Variants in VWA3A observed in about 807,000 individuals in gnomAD.
The protein encoded by VWA3A is von Willebrand factor A domain-containing protein 3A.
In VWA3A, 134 loss-of-function variants were observed where a neutral mutation model predicts 160.4. The ratio of observed to expected loss-of-function variants is 0.84; its 90% confidence interval spans 0.73 to 0.96. The LOEUF is 0.96. Among genes scored for constraint, VWA3A ranks in the 40% least tolerant of loss-of-function variants. The probability of loss-of-function intolerance (pLI) is 0.00; values close to 1 mark genes in which losing one functional copy is unlikely to be tolerated. For missense variants in VWA3A, 1,310 were observed against 1,447.9 expected (o/e 0.90, Z 1.55); for synonymous variants, 476 against 543.4 (o/e 0.88, Z 1.72).
At chr16:22,150,370 C>T (rs980387128) in intron 29 of VWA3A, among the ~76,000 whole-genome samples, 1 of 152,082 alleles carries the variant, frequency 6.6e-6, no homozygotes, top group African/African-American at 2.4e-5. Context: ...CATTGCACTC[C>T]AGCCTGGGCA....
At chr16:22,116,539 A>C (rs1164297550) in intron 9 of VWA3A, among the ~76,000 whole-genome samples, 1 of 152,194 alleles carries the variant, frequency 6.6e-6, no homozygotes, top group East Asian at 1.9e-4. Flanking sequence ...CACACACACG[A>C]GGGAAGGACT....
rs776209265 is a variant in VWA3A, at chr16:22,132,957, G to GT, written c.1931dup (p.Cys645ValfsTer23). On this transcript the variant is annotated frameshift_variant, in exon 20 of 34. Coordinates refer to ENST00000389398, the MANE Select transcript of VWA3A (RefSeq NM_173615.5). LOFTEE classifies it high-confidence loss of function. Reference sequence around the variant, plus strand: ...TGGCGGCTGCGACCTCCAGCTGAACGTGTGTCTCTTCTACGTGGGCGAGCC... The same window carrying GT: ...TGGCGGCTGCGACCTCCAGCTGAACGTTGTGTCTCTTCTACGTGGGCGAGCC... 3.7e-6 allele frequency: 6 copies of GT among 1,613,768 alleles called. No individual in the cohort carries two copies. The highest frequency in any genetic ancestry group is 1.6e-4 in the Middle Eastern group (1 of 6,084).
At chr16:22,134,777 C>T (rs1385923478) in intron 21 of VWA3A, among the ~76,000 whole-genome samples, 1 of 152,172 alleles carries the variant, frequency 6.6e-6, no homozygotes, top group Non-Finnish European at 1.5e-5. Flanking sequence ...GAACTCAACT[C>T]TAAATAATAG....
intron 17 of VWA3A, among the ~76,000 whole-genome samples, chr16:22,127,658 G>A (rs987575808): frequency 1.3e-5 from 2 of 152,032 alleles, no homozygotes; most frequent in South Asian, 2.1e-4. Flanking sequence ...TATAGATAAG[G>A]AATTTTATTT....
Position 22,115,379 on chromosome 16 carries a change from T to TGCAGCCTGATGGAGGCA in VWA3A, c.726_742dup (p.Asn248SerfsTer12). ...GAACTTAAGCTCTGGGTAAAGACGC[T>TGCAGCCTGATGGAGGCA]GCAGCCTGATGGAGGCAGCAACCTG... On this transcript the variant is annotated frameshift_variant, in exon 9 of 34. Coordinates refer to ENST00000389398, the MANE Select transcript of VWA3A (RefSeq NM_173615.5). LOFTEE classifies it high-confidence loss of function. 2 of 1,601,186 alleles carry TGCAGCCTGATGGAGGCA rather than the reference T, an allele frequency of 1.2e-6. No homozygotes were observed. The highest frequency in any genetic ancestry group is 1.7e-6 in the Non-Finnish European group (2 of 1,173,654).
intron 24 of VWA3A, among the ~76,000 whole-genome samples, chr16:22,142,273 G>A (rs560499223): frequency 3.9e-5 from 6 of 151,984 alleles, no homozygotes; most frequent in Non-Finnish European, 8.8e-5. Flanking sequence ...CCAAGGCTAG[G>A]TGATTTATGA....
intron 26 of VWA3A, among the ~76,000 whole-genome samples, chr16:22,145,640 C>CAA (rs201708423): frequency 5.7e-5 from 5 of 87,190 alleles, no homozygotes; most frequent in East Asian, 3.4e-4. Flanking sequence ...GACTCTGTCT[C>CAA]AAAAAAAAAA....
chr16:22,097,513 G>A, intron 2 of VWA3A, 59 bp from the exon 3 acceptor site: 1 of 1,540,454 alleles, frequency 6.5e-7, no homozygotes. Flanking sequence ...GGAGGCACTG[G>A]GGGTATCAAA....
At chr16:22,112,534 C>T (rs2045568009) in intron 8 of VWA3A, among the ~76,000 whole-genome samples, 1 of 152,082 alleles carries the variant, frequency 6.6e-6, no homozygotes, top group South Asian at 2.1e-4. Flanking sequence ...GCCTGGGCAA[C>T]CCAGTGAGAC....
chr16:22,118,363 AG>A (rs1387110470), intron 11 of VWA3A, among the ~76,000 whole-genome samples: 1 of 152,120 alleles, frequency 6.6e-6, no homozygotes, highest in Non-Finnish European at 1.5e-5. Context: ...ACACTTTTAC[AG>A]TTAGAAAACT....
At position 22,092,586 on chromosome 16, in the gene VWA3A, G is replaced by A; in HGVS notation, c.-52G>A. Reference sequence around the variant, plus strand: ...GAGAAACCAGAAGTGAGATCCAGGAGAAGTAAGGCCCTGGAGTGCCAGGAG... The same window carrying A: ...GAGAAACCAGAAGTGAGATCCAGGAAAAGTAAGGCCCTGGAGTGCCAGGAG... On this transcript the variant is annotated 5_prime_UTR_variant, in exon 1 of 34. Transcript: ENST00000389398. 6.5e-7 allele frequency: 1 copy of A among 1,547,516 alleles called. No individual in the cohort carries two copies. Among genetic ancestry groups the A allele is most frequent in the African/African-American group, 1.4e-5 (1 of 73,102 alleles).
In VWA3A at chr16:22,148,203, T is replaced by G. The variant is rs1363700071; in HGVS notation, c.2881T>G (p.Cys961Gly). Residue 961 changes from cysteine to glycine, a missense_variant, in exon 28 of 34, where the codon TGC (cysteine) becomes GGC (glycine). By Grantham distance (159) the Cys-to-Gly change is radical. Transcript: ENST00000389398. ...TGGCACCGTTTTGGAGAGCAAAGTA[T>G]GCATATTGCTGGACACGTCAGGGTC... ...LFGTVLESKV[C>G]ILLDTSGSMG... is the part of the protein sequence containing the mutation. The G allele has an allele frequency of 1.2e-6, 2 of 1,603,252 alleles. No individual in the cohort carries two copies. Among genetic ancestry groups the G allele is most frequent in the Non-Finnish European group, 1.7e-6 (2 of 1,175,166 alleles).
chr16:22,141,556 C>T, intron 23 of VWA3A, 26 bp from the exon 24 acceptor site: 2 of 1,588,354 alleles, frequency 1.3e-6, no homozygotes, highest in Non-Finnish European at 1.7e-6. Flanking sequence ...GCAGCTGCTC[C>T]AGCCAACAAG....
chr16:22,155,642 C>T lies in VWA3A; in HGVS notation c.3481C>T (p.Leu1161Phe). 6.2e-7 allele frequency: 1 copy of T among 1,613,974 alleles called. No individual in the cohort carries two copies. Among genetic ancestry groups the T allele is most frequent in the East Asian group, 2.2e-5 (1 of 44,880 alleles). ...AQEITKARSF[L>F]WQAQSFRSQL... The stretch of plus-strand genomic sequence containing the variant: ...GGAGATCACCAAGGCCAGAAGCTTC[C>T]TCTGGCAGGCCCAATCCTTCAGGTA... Residue 1161 changes from leucine (L) to phenylalanine (F), a missense_variant, in exon 32 of 34, where the codon CTC becomes TTC. By Grantham distance (22) the Leu-to-Phe change is conservative (BLOSUM62 0). Transcript: ENST00000389398.
At chr16:22,154,431 T>G (rs529483786) in intron 31 of VWA3A, among the ~76,000 whole-genome samples, 1 of 145,520 alleles carries the variant, frequency 6.9e-6, no homozygotes, top group South Asian at 2.2e-4. Flanking sequence ...TGGGTTCAAG[T>G]GATTCTCATG....
At position 22,138,345 on chromosome 16, in the gene VWA3A, C is replaced by T. The variant is rs201933295; in HGVS notation, c.2140-15C>T. ...GTGGCTGGGGGTGCCACTGACCCTCCCAATCCCACTGCAGTGTGCCTTCCT... is the reference window on the plus strand; with the variant it reads ...GTGGCTGGGGGTGCCACTGACCCTCTCAATCCCACTGCAGTGTGCCTTCCT... On this transcript the variant is annotated splice_polypyrimidine_tract_variant and intron_variant, in intron 21 of 33. Transcript: ENST00000389398. 1 of 1,572,652 alleles carries T rather than the reference C, an allele frequency of 6.4e-7. No individual in the cohort carries two copies. The highest frequency in any genetic ancestry group is 8.6e-7 in the Non-Finnish European group (1 of 1,159,742).
intron 19 of VWA3A, among the ~76,000 whole-genome samples, chr16:22,132,567 T>C (rs373264453): frequency 6.6e-6 from 1 of 151,930 alleles, no homozygotes; most frequent in East Asian, 1.9e-4. Context: ...CATACATACA[T>C]ACATACATAC....
intron 17 of VWA3A, among the ~76,000 whole-genome samples, chr16:22,129,576 A>G (rs1241806743): frequency 6.6e-6 from 1 of 152,038 alleles, no homozygotes; most frequent in African/African-American, 2.4e-5. Flanking sequence ...AGTCTGAGAC[A>G]CTCAAGAGTT....
intron 16 of VWA3A, among the ~76,000 whole-genome samples, chr16:22,124,186 CAAAAA>C (rs11426931): frequency 4.3e-5 from 2 of 46,596 alleles, no homozygotes; most frequent in Admixed American, 2.8e-4. Context: ...GTGTCTACCA[CAAAAA>C]AAAAAAAAAA....
Sources: gnomAD v4.1 joint callset for allele counts (sites outside exome capture counted in the v4.1 genomes callset) on GRCh38, gnomAD v4.1.1 for gene constraint, MANE v1.5 for transcripts, NCBI Gene and HGNC (gene_info 2026-07-23, HGNC 2026-07-21) for gene names.